HPSE2: variants seen among roughly 807,000 people sequenced by gnomAD.
The protein encoded by HPSE2 is heparanase 2 (inactive), also known as inactive heparanase-2.
A neutral mutation model predicts 60.5 loss-of-function variants in HPSE2; 38 were observed. The ratio of observed to expected loss-of-function variants is 0.63; its 90% CI spans 0.48 to 0.82. HPSE2 has a LOEUF of 0.82. Ranked by LOEUF, HPSE2 falls within the 40% of genes least tolerant of loss-of-function variation. The pLI, the probability that HPSE2 is intolerant of heterozygous loss-of-function variation, is 0.00. For missense variants in HPSE2, 713 were observed against 740.4 expected, an observed-to-expected ratio of 0.96 and a Z score of 0.43; for synonymous variants, 295 against 293.2, an observed-to-expected ratio of 1.01 and a Z score of -0.06.
At chr10:98,611,953 T>A (rs2133969177) in intron 9 of HPSE2, among the ~76,000 whole-genome samples, 1 of 152,288 alleles carries the variant, frequency 6.6e-6, no homozygotes. Context: ...TCAACTGAGG[T>A]CTTTTGTGCC....
At chr10:99,295,155 C>A in the HPSE2 span, among the ~76,000 whole-genome samples, 1 of 151,676 alleles carries the variant, frequency 6.6e-6, no homozygotes, top group African/African-American at 2.4e-5. Flanking sequence ...TTGTATCAGG[C>A]AATATTCTAA....
chr10:98,804,253 A>G (rs1345663271), intron 3 of HPSE2, among the ~76,000 whole-genome samples: 1 of 152,088 alleles, frequency 6.6e-6, no homozygotes, highest in Non-Finnish European at 1.5e-5. Flanking sequence ...CCGCAAGCAC[A>G]GGCAACCAAA....
intron 2 of HPSE2, among the ~76,000 whole-genome samples, chr10:99,162,850 T>A (rs1042431551): frequency 3.3e-5 from 5 of 152,062 alleles, no homozygotes; most frequent in Admixed American, 3.3e-4. Context: ...ACTAAAACAG[T>A]CCAAAACAAC....
intron 3 of HPSE2, among the ~76,000 whole-genome samples, chr10:98,831,519 C>T (rs1951683543): frequency 6.6e-6 from 1 of 152,194 alleles, no homozygotes; most frequent in Admixed American, 6.5e-5. Context: ...TAAAGTAATA[C>T]ACTGATAGTG....
intron 3 of HPSE2, among the ~76,000 whole-genome samples, chr10:98,760,403 C>A (rs1949979302): frequency 6.6e-6 from 1 of 151,882 alleles, no homozygotes; most frequent in African/African-American, 2.4e-5. Flanking sequence ...AAGCTTTTGG[C>A]TTTTTACTGT....
chr10:98,514,557 AT>A (rs764489792), intron 9 of HPSE2, among the ~76,000 whole-genome samples: 6 of 152,142 alleles, frequency 3.9e-5, no homozygotes, highest in Non-Finnish European at 8.8e-5. Flanking sequence ...ACTTCTTATA[AT>A]TTATTTTTAG....
At chr10:98,521,359 T>G (rs1184852051) in intron 9 of HPSE2, among the ~76,000 whole-genome samples, 1 of 152,340 alleles carries the variant, frequency 6.6e-6, no homozygotes, top group East Asian at 1.9e-4. Context: ...AAGACATTTA[T>G]GCAGCCAACA....
chr10:99,134,795 G>A (rs939752877), intron 3 of HPSE2, among the ~76,000 whole-genome samples: 4 of 152,154 alleles, frequency 2.6e-5, no homozygotes, highest in African/African-American at 9.7e-5. Context: ...TCAACACTAT[G>A]AAGAAACTGC....
chr10:99,221,001 C>A (rs10883301), intron 2 of HPSE2, among the ~76,000 whole-genome samples: 1 of 150,998 alleles, frequency 6.6e-6, no homozygotes, highest in Non-Finnish European at 1.5e-5. Context: ...CCCGCCATCA[C>A]GCCCAGCTAA....
In HPSE2 at chr10:98,543,871, A is replaced by T. The variant is rs532037830; in HGVS notation, c.1321-53675T>A. ...ACAAAGAGACTTAGACTCCCACACAATAATAATGGGAGACTTTAACACCCC... is the reference window on the plus strand; with the variant it reads ...ACAAAGAGACTTAGACTCCCACACATTAATAATGGGAGACTTTAACACCCC... On this transcript the variant is annotated intron_variant, in intron 9 of 11. Coordinates refer to ENST00000370552, the MANE Select transcript of HPSE2 (RefSeq NM_021828.5). Among the ~76,000 whole-genome samples, 1,246 of 152,110 alleles carry T rather than the reference A, an allele frequency of 8.2e-3. 14 individuals are homozygous for T. Among genetic ancestry groups the T allele is most frequent in the African/African-American group, 0.029 (1,189 of 41,470 alleles).
At chr10:99,072,927 CAA>C (rs770699941) in intron 3 of HPSE2, among the ~76,000 whole-genome samples, 16 of 88,010 alleles carry the variant, frequency 1.8e-4, no homozygotes, top group East Asian at 6.2e-4. Flanking sequence ...GGCTCCGTCT[CAA>C]AAAAAAAAAA....
the HPSE2 span, among the ~76,000 whole-genome samples, chr10:99,277,714 T>C: frequency 6.6e-6 from 1 of 152,308 alleles, no homozygotes. Context: ...ATATGCACAA[T>C]ACAGTAAAAT....
intron 4 of HPSE2, 33 bp downstream of exon 4, chr10:98,743,850 T>C: frequency 1.9e-6 from 3 of 1,585,890 alleles, no homozygotes; most frequent in Non-Finnish European, 2.6e-6. Flanking sequence ...CCCTTTATTT[T>C]GTCAATTCAG....
chr10:98,744,253 C>T (rs1009983054), intron 3 of HPSE2, among the ~76,000 whole-genome samples, 197 bp from the exon 4 acceptor site: 3 of 152,164 alleles, frequency 2.0e-5, no homozygotes, highest in South Asian at 2.1e-4. Context: ...CAGGGCTGGG[C>T]GCGGTGGCTC....
intron 3 of HPSE2, among the ~76,000 whole-genome samples, chr10:99,051,893 T>C (rs895613771): frequency 7.9e-5 from 12 of 151,128 alleles, no homozygotes; most frequent in African/African-American, 2.7e-4. Flanking sequence ...AAGTGTAAAA[T>C]AAAGTCTACA....
intron 9 of HPSE2, among the ~76,000 whole-genome samples, chr10:98,541,686 G>A (rs528054977): frequency 6.6e-6 from 1 of 152,326 alleles, no homozygotes; most frequent in Non-Finnish European, 1.5e-5. Flanking sequence ...TGGCTCAGAG[G>A]GTCCTACACC....
rs937190244 is a variant in HPSE2 at position 99,126,675 on chromosome 10, G to A, written c.610+17563C>T. Among the ~76,000 whole-genome samples the A allele has an allele frequency of 6.6e-6, 1 of 152,136 alleles. No homozygotes were observed. The highest frequency in any genetic ancestry group is 1.5e-5 in the Non-Finnish European group (1 of 68,018). Reference sequence around the variant, plus strand: ...TCTACACATGACAACTTTACTGCTAGCATAATCCATCATTCAAGAAAGCCA... The same window carrying A: ...TCTACACATGACAACTTTACTGCTAACATAATCCATCATTCAAGAAAGCCA... On this transcript the variant is annotated intron_variant, in intron 3 of 11. Transcript: ENST00000370552. This position sits in a 1 kb window ranked among gnomAD's most constrained non-coding sequence, Gnocchi z 4.0.
At chr10:98,679,754 A>AT (rs1337773336) in intron 6 of HPSE2, among the ~76,000 whole-genome samples, 1 of 152,132 alleles carries the variant, frequency 6.6e-6, no homozygotes, top group Non-Finnish European at 1.5e-5. Flanking sequence ...CAGTGGTGTG[A>AT]TCATAGCTCA....
intron 3 of HPSE2, among the ~76,000 whole-genome samples, chr10:98,770,630 G>A (rs1950219936): frequency 6.6e-6 from 1 of 152,044 alleles, no homozygotes; most frequent in Non-Finnish European, 1.5e-5. Flanking sequence ...CCTAGTCTAA[G>A]ATGCCTTCCC....
Sources: gnomAD v4.1 joint callset for allele counts (sites outside exome capture counted in the v4.1 genomes callset) on GRCh38, gnomAD v4.1.1 for gene constraint, Gnocchi (gnomAD v3.1) non-coding constraint, MANE v1.5 for transcripts, NCBI Gene and HGNC (gene_info 2026-07-23, HGNC 2026-07-21) for gene names.